TIMMDC1: variants seen among roughly 807,000 people sequenced by gnomAD.
The protein encoded by TIMMDC1 is complex I assembly factor TIMMDC1, mitochondrial.
A neutral mutation model predicts 32.6 loss-of-function variants in TIMMDC1; 25 were observed. The ratio of observed to expected loss-of-function variants is 0.77; its 90% CI spans 0.56 to 1.07. The LOEUF (loss-of-function observed/expected upper bound fraction) is 1.07. TIMMDC1 is among the 50% of genes least tolerant of loss of function. TIMMDC1 has a pLI of 0.00. For synonymous variants in TIMMDC1, 130 were observed against 127.6 expected (o/e 1.02, Z -0.13); for missense variants, 329 against 349.2 (o/e 0.94, Z 0.46).
At position 119,514,481 on chromosome 3, in the gene TIMMDC1, C is replaced by T. The variant is rs116092578; in HGVS notation, c.596+762C>T. ...GTAAACATTGTTTCAACACAACTAT[C>T]TAAGTTAGGGTCTATATTAAAAACT... On this transcript the variant is annotated intron_variant, in intron 5 of 6. Transcript: ENST00000494664. Among the ~76,000 whole-genome samples the T allele has an allele frequency of 2.5e-3, 380 of 152,264 alleles. 2 individuals are homozygous for T. The highest frequency in any genetic ancestry group is 8.3e-3 in the African/African-American group (343 of 41,558).
chr3:119,499,092 C>CTTTTT (rs11317621), intron 1 of TIMMDC1, 165 bp downstream of exon 1: 4 of 402,554 alleles, frequency 9.9e-6, no homozygotes, highest in South Asian at 2.8e-5. Context: ...TTTTTTCTTT[C>CTTTTT]TTTTTTTTTT....
chr3:119,504,172 T>C, intron 4 of TIMMDC1, 151 bp downstream of exon 4: 1 of 631,920 alleles, frequency 1.6e-6, no homozygotes. Context: ...GACAGTGTTG[T>C]GCTTCACCCT....
At chr3:119,507,029 G>A (rs1394780919) in intron 4 of TIMMDC1, among the ~76,000 whole-genome samples, 2 of 152,118 alleles carry the variant, frequency 1.3e-5, no homozygotes, top group South Asian at 4.1e-4. Flanking sequence ...CTATTTAGCT[G>A]TCTTTCCCTT....
chr3:119,516,641 A>G (rs758906758), intron 5 of TIMMDC1, among the ~76,000 whole-genome samples: 1 of 152,334 alleles, frequency 6.6e-6, no homozygotes, highest in Non-Finnish European at 1.5e-5. Flanking sequence ...TCATCACTAT[A>G]ATAATTATTA....
At chr3:119,521,639 G>A (rs747437799) in intron 6 of TIMMDC1, among the ~76,000 whole-genome samples, 10 of 151,374 alleles carry the variant, frequency 6.6e-5, no homozygotes, top group Non-Finnish European at 1.2e-4. Context: ...GCAGCAGTGA[G>A]CCATGATTGT....
At chr3:119,505,072 C>CT (rs1407665565) in intron 4 of TIMMDC1, among the ~76,000 whole-genome samples, 2 of 131,162 alleles carry the variant, frequency 1.5e-5, no homozygotes, top group African/African-American at 3.0e-5. Context: ...GAGTGAAACT[C>CT]TTGTCTCAAA....
At chr3:119,501,514 A>G (rs1169820520) in intron 2 of TIMMDC1, among the ~76,000 whole-genome samples, 3 of 152,320 alleles carry the variant, frequency 2.0e-5, no homozygotes, top group Middle Eastern at 3.4e-3. Flanking sequence ...GTTATTTCCT[A>G]AAAACAAGGA....
chr3:119,510,879 A>G (rs1284047852), intron 4 of TIMMDC1, among the ~76,000 whole-genome samples: 1 of 152,222 alleles, frequency 6.6e-6, no homozygotes, highest in East Asian at 1.9e-4. Context: ...CCTTTGGACA[A>G]CACTGAAAAC....
intron 6 of TIMMDC1, among the ~76,000 whole-genome samples, chr3:119,517,767 A>G (rs1255352250): frequency 3.3e-5 from 5 of 152,138 alleles, no homozygotes; most frequent in African/African-American, 1.2e-4. Flanking sequence ...CAGGAGTTCG[A>G]GACCAGCCTG....
chr3:119,513,803 G>A lies in TIMMDC1; in HGVS notation c.596+84G>A, dbSNP rs140201542. On this transcript the variant is annotated intron_variant, in intron 5 of 6. Coordinates refer to ENST00000494664, the MANE Select transcript of TIMMDC1 (RefSeq NM_016589.4). ...TTAAAAAGTCTCATTTATTTTCAAAGAACAAATTTAATCCTTAGAATCTAT... is the reference window on the plus strand; with the variant it reads ...TTAAAAAGTCTCATTTATTTTCAAAAAACAAATTTAATCCTTAGAATCTAT... The A allele has an allele frequency of 4.8e-4, 423 of 879,768 alleles. No individual in the cohort carries two copies. In the African/African-American group the frequency reaches 5.3e-3, roughly 11 times the overall value. The allele number at this position is 879,768 out of a possible 1,614,324, so 54.5% of individuals were successfully genotyped here.
In TIMMDC1 at chr3:119,498,833, G is replaced by A. The variant is rs2081844396; in HGVS notation, c.100G>A (p.Val34Ile). The change falls in exon 1 of 7, where the codon GTC becomes ATC. Residue 34 changes from valine (V) to isoleucine (I), a missense_variant. Val to Ile is a conservative substitution (Grantham distance 29). Coordinates refer to ENST00000494664, the MANE Select transcript of TIMMDC1 (RefSeq NM_016589.4). ...AAEAVTADSE[V>I]LEERQKRLPY... ...CGAAGCTGTGACTGCCGATTCGGAA[G>A]TCCTTGAGGAGCGTCAGAAGCGGCT... The A allele has an allele frequency of 6.2e-7, 1 of 1,614,210 alleles. No individual in the cohort carries two copies. Among genetic ancestry groups the A allele is most frequent in the Non-Finnish European group, 8.5e-7 (1 of 1,180,036 alleles).
chr3:119,510,401 A>C (rs2081945394), intron 4 of TIMMDC1, among the ~76,000 whole-genome samples: 1 of 152,214 alleles, frequency 6.6e-6, no homozygotes, highest in African/African-American at 2.4e-5. Context: ...ATTGAAAGCA[A>C]TTCAAATCAA....
intron 2 of TIMMDC1, among the ~76,000 whole-genome samples, chr3:119,502,716 G>A (rs2081888554): frequency 6.6e-6 from 1 of 150,798 alleles, no homozygotes; most frequent in Non-Finnish European, 1.5e-5. Context: ...ACACCACCAT[G>A]CCTAGCTAAT....
chr3:119,503,774 A>G (rs1457370864), intron 3 of TIMMDC1, among the ~76,000 whole-genome samples, 154 bp downstream of exon 3: 2 of 151,962 alleles, frequency 1.3e-5, no homozygotes, highest in African/African-American at 4.8e-5. Flanking sequence ...TCTGTGTAAA[A>G]GACTGGTGTA....
At chr3:119,516,062 AGTT>A (rs968047175) in intron 5 of TIMMDC1, among the ~76,000 whole-genome samples, 4 of 152,302 alleles carry the variant, frequency 2.6e-5, no homozygotes, top group African/African-American at 7.2e-5. Context: ...TGAAGGGAAA[AGTT>A]GTAGGAGTTA....
At chr3:119,504,376 G>C (rs2081902273) in intron 4 of TIMMDC1, among the ~76,000 whole-genome samples, 1 of 152,166 alleles carries the variant, frequency 6.6e-6, no homozygotes, top group Non-Finnish European at 1.5e-5. Context: ...AGAATAGGAA[G>C]GAGCAAGACT....
chr3:119,515,948 A>G (rs189766304), intron 5 of TIMMDC1, among the ~76,000 whole-genome samples: 67 of 152,140 alleles, frequency 4.4e-4, no homozygotes, highest in African/African-American at 1.6e-3. Context: ...AGGTAATGCT[A>G]TAGATTTAAT....
At chr3:119,522,688 A>G (rs1449776668) in intron 6 of TIMMDC1, among the ~76,000 whole-genome samples, 1 of 152,154 alleles carries the variant, frequency 6.6e-6, no homozygotes. Context: ...AATATGTACA[A>G]TTATTAGTAT....
intron 1 of TIMMDC1, 143 bp downstream of exon 1, chr3:119,499,070 C>G: frequency 3.1e-6 from 2 of 649,186 alleles, no homozygotes; most frequent in South Asian, 4.1e-5. Flanking sequence ...ATTTGTAACC[C>G]AAGCTTGTAT....
Sources: allele counts gnomAD v4.1 joint callset (sites outside exome capture counted in the v4.1 genomes callset), GRCh38; gene constraint gnomAD v4.1.1; transcripts MANE v1.5; gene names NCBI Gene and HGNC (gene_info 2026-07-23, HGNC 2026-07-21).